Variants in GYS2 observed in about 807,000 individuals in gnomAD.
GYS2 encodes the protein glycogen synthase 2, also known as glycogen [starch] synthase, liver.
In GYS2, 80 loss-of-function variants were observed where a neutral mutation model predicts 85.6. That is an observed-to-expected ratio of 0.93 (90% CI 0.78 to 1.13). The LOEUF (loss-of-function observed/expected upper bound fraction) is 1.13, where lower values mean the gene tolerates loss of function less well. Among genes scored for constraint, GYS2 ranks in the 50% most tolerant of loss-of-function variants. GYS2 has a pLI of 0.00. For missense variants in GYS2, 881 were observed against 854.9 expected, an observed-to-expected ratio of 1.03 and a Z score of -0.38; for synonymous variants, 328 against 300.7, an observed-to-expected ratio of 1.09 and a Z score of -0.94.
chr12:21,553,366 T>C (rs1944136483), intron 11 of GYS2, among the ~76,000 whole-genome samples: 1 of 152,272 alleles, frequency 6.6e-6, no homozygotes, highest in Non-Finnish European at 1.5e-5. Context: ...CTTAGTCTGC[T>C]GCCTTCTTTA....
intron 11 of GYS2, among the ~76,000 whole-genome samples, chr12:21,557,592 G>A (rs1004917011): frequency 2.0e-5 from 3 of 152,122 alleles, no homozygotes; most frequent in Admixed American, 2.0e-4. Context: ...AGAATAATTG[G>A]TATCATTAAA....
intron 1 of GYS2, among the ~76,000 whole-genome samples, chr12:21,585,955 T>C (rs566835257): frequency 4.8e-4 from 73 of 152,322 alleles, no homozygotes; most frequent in African/African-American, 1.6e-3. Context: ...TATTTGAAGA[T>C]AATGTATGAC....
chr12:21,594,542 G>A (rs897967200), intron 1 of GYS2, among the ~76,000 whole-genome samples: 8 of 151,858 alleles, frequency 5.3e-5, no homozygotes, highest in Non-Finnish European at 1.2e-4. Context: ...TTTAACCAAG[G>A]AACCGAAAAA....
In GYS2 at chr12:21,580,325, A is replaced by T; in HGVS notation, c.303+17T>A. 2 of 1,604,428 alleles carry T rather than the reference A, an allele frequency of 1.2e-6. No individual in the cohort carries two copies. The highest frequency in any genetic ancestry group is 8.5e-7 in the Non-Finnish European group (1 of 1,171,704). On this transcript the variant is annotated intron_variant, in intron 2 of 15. Coordinates refer to ENST00000261195, the MANE Select transcript of GYS2 (RefSeq NM_021957.4). ...AAGTTTACTGAGAATTGCCAAGTGA[A>T]GTGTCAGTTCCTTTACCTGGCAGCC...
chr12:21,593,623 A>G (rs1437231959), intron 1 of GYS2, among the ~76,000 whole-genome samples: 2 of 152,032 alleles, frequency 1.3e-5, no homozygotes, highest in Non-Finnish European at 2.9e-5. Flanking sequence ...AATCAGTAGT[A>G]AAAAGTCTCC....
intron 8 of GYS2, 140 bp from the exon 9 acceptor site, chr12:21,559,850 C>T: frequency 1.5e-6 from 1 of 687,622 alleles, no homozygotes; most frequent in Non-Finnish European, 2.5e-6. Flanking sequence ...ATAGTCTCTT[C>T]TATTATTTTA....
Position 21,552,739 on chromosome 12 carries a change from T to C in GYS2, c.1422+5461A>G, listed in dbSNP as rs1287446107. Among the ~76,000 whole-genome samples the C allele has an allele frequency of 3.3e-5, 5 of 152,370 alleles. No individual in the cohort carries two copies. In the East Asian group the frequency reaches 9.7e-4, roughly 29 times the overall value. On this transcript the variant is annotated intron_variant, in intron 11 of 15. Transcript: ENST00000261195. ...ATCTCCACTCACCCTATGAAAGTCA[T>C]GTGCTTTGATATCTCTGTGCCTTCT...
chr12:21,535,452 C>T (rs916240388), downstream of GYS2, among the ~76,000 whole-genome samples: 3 of 152,148 alleles, frequency 2.0e-5, no homozygotes, highest in South Asian at 6.2e-4. Flanking sequence ...TCTGCAGATG[C>T]TCGGTTAATT....
At chr12:21,592,383 G>A (rs1294276350) in intron 1 of GYS2, among the ~76,000 whole-genome samples, 2 of 152,012 alleles carry the variant, frequency 1.3e-5, no homozygotes, top group African/African-American at 4.8e-5. Context: ...TGACCCAGTT[G>A]TAAGCTGCCT....
In GYS2 at chr12:21,536,771, T is replaced by A. The variant is rs1232887497; in HGVS notation, c.*183A>T. 2.9e-5 allele frequency: 18 copies of A among 610,278 alleles called. No homozygotes were observed. Among genetic ancestry groups the A allele is most frequent in the African/African-American group, 5.5e-5 (3 of 54,232 alleles). 37.8% of individuals were successfully genotyped at this position (610,278 alleles called of 1,614,324 possible). A position where few individuals can be genotyped will look rare whatever the true frequency, so the allele number is the denominator to read the frequency against. Reference sequence around the variant, plus strand: ...TGGGGGAAACAAGAGTTGGGGAAAATAACTTGGATCTTATCCTAAATTACA... The same window carrying A: ...TGGGGGAAACAAGAGTTGGGGAAAAAAACTTGGATCTTATCCTAAATTACA... On this transcript the variant is annotated 3_prime_UTR_variant, in exon 16 of 16. Transcript: ENST00000261195.
downstream of GYS2, chr12:21,535,016 C>T (rs1409741726): frequency 6.6e-6 from 1 of 152,264 alleles, no homozygotes; most frequent in Non-Finnish European, 1.5e-5. Context: ...GAAGAAATGA[C>T]TACAGTGGAG....
At chr12:21,587,756 A>C (rs1429592448) in intron 1 of GYS2, among the ~76,000 whole-genome samples, 1 of 152,158 alleles carries the variant, frequency 6.6e-6, no homozygotes, top group African/African-American at 2.4e-5. Context: ...GATCTGATTG[A>C]AAAGGCAAAA....
intron 12 of GYS2, 62 bp from the exon 13 acceptor site, chr12:21,542,653 C>CA (rs1943992854): frequency 2.8e-6 from 3 of 1,057,224 alleles, no homozygotes; most frequent in Non-Finnish European, 4.4e-6. Flanking sequence ...TGTATGCACT[C>CA]AGAGGAGGAA....
intron 1 of GYS2, among the ~76,000 whole-genome samples, chr12:21,591,163 C>G (rs1194507025): frequency 6.6e-6 from 1 of 151,866 alleles, no homozygotes; most frequent in Non-Finnish European, 1.5e-5. Context: ...TTATAAAATT[C>G]TGGAAAAAAG....
chr12:21,559,781 C>T lies in GYS2; in HGVS notation c.1170-71G>A, dbSNP rs556608302. 733 of 983,040 alleles carry T rather than the reference C, an allele frequency of 7.5e-4. 1 individual carries two copies. The highest frequency in any genetic ancestry group is 1.0e-3 in the Non-Finnish European group (641 of 612,274). 60.9% of individuals were successfully genotyped at this position (983,040 alleles called of 1,614,324 possible). A position where few individuals can be genotyped will look rare whatever the true frequency, so the allele number is the denominator to read the frequency against. On this transcript the variant is annotated intron_variant, in intron 8 of 15. Coordinates refer to ENST00000261195, the MANE Select transcript of GYS2 (RefSeq NM_021957.4). Reference sequence around the variant, plus strand: ...TTAATCTTTATTTGTCACGATAATGCTATTGTTTTGTTGACATTCTTTGAA... The same window carrying T: ...TTAATCTTTATTTGTCACGATAATGTTATTGTTTTGTTGACATTCTTTGAA...
At chr12:21,582,261 G>A (rs1944518315) in intron 1 of GYS2, among the ~76,000 whole-genome samples, 1 of 152,102 alleles carries the variant, frequency 6.6e-6, no homozygotes, top group African/African-American at 2.4e-5. Context: ...GTTACCAAAG[G>A]AGATTAATAT....
Position 21,554,078 on chromosome 12 carries a change from T to G in GYS2, c.1422+4122A>C, listed in dbSNP as rs78685091. Reference sequence around the variant, plus strand: ...GCCAATTTTTATTAATTCTTGTTTTTTTATTAAATACATTGACTTTCCTTT... The same window carrying G: ...GCCAATTTTTATTAATTCTTGTTTTGTTATTAAATACATTGACTTTCCTTT... On this transcript the variant is annotated intron_variant, in intron 11 of 15. Coordinates refer to ENST00000261195, the MANE Select transcript of GYS2 (RefSeq NM_021957.4). Among the ~76,000 whole-genome samples the G allele has an allele frequency of 8.7e-3, 1,318 of 152,216 alleles. 16 individuals are homozygous for G. Among genetic ancestry groups the G allele is most frequent in the African/African-American group, 0.03 (1,235 of 41,506 alleles).
chr12:21,536,904 A>T lies in GYS2; in HGVS notation c.*50T>A. On this transcript the variant is annotated 3_prime_UTR_variant, in exon 16 of 16. Coordinates refer to ENST00000261195, the MANE Select transcript of GYS2 (RefSeq NM_021957.4). The stretch of plus-strand genomic sequence containing the variant: ...TGTGGCATTTTTATTTTAAATAATT[A>T]GTCTTACTTTGCTTTTTTAAATTAG... 1 of 1,213,704 alleles carries T rather than the reference A, an allele frequency of 8.2e-7. No homozygotes were observed. The highest frequency in any genetic ancestry group is 1.2e-6 in the Non-Finnish European group (1 of 817,140). 75.2% of individuals were successfully genotyped at this position (1,213,704 alleles called of 1,614,324 possible). A position where few individuals can be genotyped will look rare whatever the true frequency, so the allele number is the denominator to read the frequency against.
intron 12 of GYS2, among the ~76,000 whole-genome samples, 191 bp downstream of exon 12, chr12:21,546,153 A>C (rs1944036660): frequency 6.6e-6 from 1 of 152,130 alleles, no homozygotes; most frequent in Non-Finnish European, 1.5e-5. Context: ...TATAATCTTC[A>C]TCCTTATTCT....
Sources: gnomAD v4.1 joint callset for allele counts (sites outside exome capture counted in the v4.1 genomes callset) on GRCh38, gnomAD v4.1.1 for gene constraint, MANE v1.5 for transcripts, NCBI Gene and HGNC (gene_info 2026-07-23, HGNC 2026-07-21) for gene names.